Variants in SDK1 observed in about 807,000 individuals in gnomAD.
SDK1 encodes the protein protein sidekick-1.
A neutral mutation model predicts 245.5 loss-of-function variants in SDK1; 157 were observed. The observed-to-expected ratio is 0.64, with a 90% confidence interval of 0.56 to 0.73. The LOEUF (loss-of-function observed/expected upper bound fraction) is 0.73, where lower values mean the gene tolerates loss of function less well. SDK1 is among the 30% of genes least tolerant of loss of function. SDK1 has a pLI of 0.00. For missense variants in SDK1, 3,583 were observed against 3,002.3 expected (o/e 1.19, Z -4.52); for synonymous variants, 1,647 against 1,278.5 (o/e 1.29, Z -6.15).
At chr7:4,197,604 C>T (rs1390216639) in intron 35 of SDK1, among the ~76,000 whole-genome samples, 11 of 152,350 alleles carry the variant, frequency 7.2e-5, no homozygotes, top group Non-Finnish European at 1.2e-4. Flanking sequence ...AAACCCCATC[C>T]GCAGCTTCTG....
intron 4 of SDK1, among the ~76,000 whole-genome samples, chr7:3,799,058 C>T (rs1161905513): frequency 6.6e-6 from 1 of 152,080 alleles, no homozygotes; most frequent in Non-Finnish European, 1.5e-5. Context: ...ATTTATTATT[C>T]AATCATTATT....
At chr7:3,364,615 C>CT (rs1781041318) in intron 1 of SDK1, among the ~76,000 whole-genome samples, 1 of 152,078 alleles carries the variant, frequency 6.6e-6, no homozygotes, top group South Asian at 2.1e-4. Flanking sequence ...TTTGCATTTT[C>CT]TACTCTATTT....
At chr7:3,780,331 C>G (rs534180786) in intron 4 of SDK1, among the ~76,000 whole-genome samples, 4 of 152,170 alleles carry the variant, frequency 2.6e-5, no homozygotes, top group Non-Finnish European at 5.9e-5. Context: ...CCACTCTGGT[C>G]TCACCTCTTA....
chr7:3,801,597 G>A (rs1779108517), intron 4 of SDK1, among the ~76,000 whole-genome samples: 1 of 152,196 alleles, frequency 6.6e-6, no homozygotes, highest in Non-Finnish European at 1.5e-5. Flanking sequence ...AGGAAGGAGG[G>A]CCTGGGAGGG....
intron 14 of SDK1, among the ~76,000 whole-genome samples, chr7:4,002,880 G>C (rs537532828): frequency 2.0e-5 from 3 of 152,354 alleles, no homozygotes; most frequent in Admixed American, 6.5e-5. Context: ...GATGTGATGG[G>C]AGCCAAGAGC....
chr7:3,380,654 G>A (rs952594919), intron 1 of SDK1, among the ~76,000 whole-genome samples: 6 of 152,202 alleles, frequency 3.9e-5, no homozygotes, highest in African/African-American at 1.2e-4. Context: ...TTCAGGTCAT[G>A]TAGGGGAGCT....
chr7:3,640,728 G>T lies in SDK1; in HGVS notation c.566-1230G>T, dbSNP rs986182596. Among the ~76,000 whole-genome samples, 13 of 151,612 alleles carry T rather than the reference G, an allele frequency of 8.6e-5. No individual in the cohort carries two copies. The East Asian group carries it at 9.6e-4, about 11-fold the overall frequency. On this transcript the variant is annotated intron_variant, in intron 3 of 44. Transcript: ENST00000404826. ...AGACGGAGTCTGGCTCTGTCACCCA[G>T]GCTGGAGTGCAGTGGCACAATCTTG...
chr7:4,215,598 G>A (rs941223634), intron 38 of SDK1, among the ~76,000 whole-genome samples: 1 of 152,230 alleles, frequency 6.6e-6, no homozygotes. Flanking sequence ...ATGTGTGACC[G>A]CAGACATGCT....
At chr7:4,056,938 C>T (rs1387070071) in intron 19 of SDK1, among the ~76,000 whole-genome samples, 2 of 152,176 alleles carry the variant, frequency 1.3e-5, no homozygotes, top group Admixed American at 1.3e-4. Flanking sequence ...ATCCCCTGCC[C>T]ACAACCACCA....
chr7:4,265,179 A>G lies in SDK1; in HGVS notation c.6437A>G (p.Tyr2146Cys), dbSNP rs758880415. ...CCCAAGCACTCCTTCGTGAACCACTACATGAGCGACCCCACCTACTACAAC... is the reference window on the plus strand; with the variant it reads ...CCCAAGCACTCCTTCGTGAACCACTGCATGAGCGACCCCACCTACTACAAC... ...ALPKHSFVNH[Y>C]MSDPTYYNSW... The change falls in exon 45 of 45, where the codon TAC becomes TGC. Residue 2146 changes from tyrosine (Y) to cysteine (C), a missense_variant. Transcript: ENST00000404826. 2.5e-6 allele frequency: 4 copies of G among 1,612,448 alleles called. No homozygotes were observed. The highest frequency in any genetic ancestry group is 3.4e-6 in the Non-Finnish European group (4 of 1,179,640).
chr7:3,562,822 C>G (rs188819491), intron 1 of SDK1, among the ~76,000 whole-genome samples: 1 of 151,620 alleles, frequency 6.6e-6, no homozygotes, highest in Non-Finnish European at 1.5e-5. Context: ...TATACAAGAC[C>G]TTATAAAAGT....
intron 5 of SDK1, among the ~76,000 whole-genome samples, chr7:3,929,001 G>C (rs995000000): frequency 6.6e-6 from 1 of 152,170 alleles, no homozygotes; most frequent in African/African-American, 2.4e-5. Context: ...TCTCTGCCCT[G>C]TTCCTTATTC....
chr7:3,695,299 A>G (rs1290257860), intron 4 of SDK1, among the ~76,000 whole-genome samples: 1 of 152,210 alleles, frequency 6.6e-6, no homozygotes, highest in East Asian at 1.9e-4. Flanking sequence ...ATAGGATTTA[A>G]TTATTCCTTT....
intron 1 of SDK1, among the ~76,000 whole-genome samples, chr7:3,489,420 TA>T (rs1157911278): frequency 2.0e-5 from 3 of 152,240 alleles, no homozygotes; most frequent in Non-Finnish European, 4.4e-5. Context: ...ATTATTACTA[TA>T]AAATTCTACT....
At chr7:4,175,931 T>A in intron 34 of SDK1, 97 bp downstream of exon 34, 1 of 1,021,002 alleles carries the variant, frequency 9.8e-7, no homozygotes, top group Non-Finnish European at 1.5e-6. Context: ...CAGCCTGGAT[T>A]AATGGCTCCA....
At chr7:3,899,545 G>C (rs1248011632) in intron 5 of SDK1, among the ~76,000 whole-genome samples, 1 of 152,222 alleles carries the variant, frequency 6.6e-6, no homozygotes, top group African/African-American at 2.4e-5. Flanking sequence ...AAAGTCCTCA[G>C]CTGTCCCCGG....
At chr7:3,742,773 C>T (rs968234922) in intron 4 of SDK1, among the ~76,000 whole-genome samples, 1 of 152,020 alleles carries the variant, frequency 6.6e-6, no homozygotes, top group African/African-American at 2.4e-5. Flanking sequence ...GTCACAGAAC[C>T]AAAGAGGGTG....
At chr7:4,234,138 A>G (rs1785992099) in intron 41 of SDK1, among the ~76,000 whole-genome samples, 1 of 152,246 alleles carries the variant, frequency 6.6e-6, no homozygotes, top group Admixed American at 6.5e-5. Flanking sequence ...GGGACCTCCC[A>G]GAAAGCCAGC....
At chr7:4,232,538 C>G (rs563714136) in intron 40 of SDK1, among the ~76,000 whole-genome samples, 3 of 151,946 alleles carry the variant, frequency 2.0e-5, no homozygotes, top group South Asian at 4.2e-4. Flanking sequence ...GCTCAGCTCA[C>G]TGCAACCTCA....
Sources: allele counts gnomAD v4.1 joint callset (sites outside exome capture counted in the v4.1 genomes callset), GRCh38; gene constraint gnomAD v4.1.1; transcripts MANE v1.5; gene names NCBI Gene and HGNC (gene_info 2026-07-23, HGNC 2026-07-21).